NRXN3: variants seen among roughly 807,000 people sequenced by gnomAD.
NRXN3 encodes the protein neurexin III.
NRXN3 carries 32 observed loss-of-function variants against 137.6 expected under a neutral mutation model. The ratio of observed to expected loss-of-function variants is 0.23; its 90% CI spans 0.18 to 0.31. The LOEUF (loss-of-function observed/expected upper bound fraction) is 0.31, where lower values mean the gene tolerates loss of function less well. NRXN3 is among the 10% of genes least tolerant of loss of function. NRXN3 has a pLI of 1.00. For synonymous variants in NRXN3, 798 were observed against 784.5 expected (o/e 1.02, Z -0.29); for missense variants, 1,574 against 2,062.5 (o/e 0.76, Z 4.59).
chr14:78,589,681 T>C (rs1402432501), intron 4 of NRXN3, among the ~76,000 whole-genome samples: 5 of 152,102 alleles, frequency 3.3e-5, no homozygotes, highest in Non-Finnish European at 7.4e-5. Context: ...GAAGGGAAAG[T>C]TCTTATAAAT....
intron 15 of NRXN3, 128 bp downstream of exon 15, chr14:78,988,269 T>G: frequency 8.3e-7 from 1 of 1,209,426 alleles, no homozygotes. Flanking sequence ...CTCCAGAAAC[T>G]TGGGAAATAA....
intron 20 of NRXN3, among the ~76,000 whole-genome samples, chr14:79,839,315 G>T (rs947068649): frequency 6.6e-6 from 1 of 152,018 alleles, no homozygotes; most frequent in Non-Finnish European, 1.5e-5. Context: ...CTTGAACAGG[G>T]TTACATTGTA....
At chr14:78,723,892 A>G (rs969721622) in intron 8 of NRXN3, among the ~76,000 whole-genome samples, 6 of 152,212 alleles carry the variant, frequency 3.9e-5, no homozygotes, top group African/African-American at 1.4e-4. Flanking sequence ...AGGTTGGACC[A>G]TAAGAGAACA....
chr14:78,889,907 C>T (rs950812423), intron 10 of NRXN3, among the ~76,000 whole-genome samples: 6 of 151,926 alleles, frequency 3.9e-5, no homozygotes, highest in African/African-American at 1.2e-4. Flanking sequence ...GCCCTAAATC[C>T]AGTGAAAACT....
At chr14:79,223,020 C>T (rs954851877) in intron 15 of NRXN3, among the ~76,000 whole-genome samples, 1 of 152,102 alleles carries the variant, frequency 6.6e-6, no homozygotes, top group African/African-American at 2.4e-5. Context: ...AATTAGACAA[C>T]AATGAAATAA....
chr14:78,452,851 T>C (rs1273540253), intron 4 of NRXN3, among the ~76,000 whole-genome samples: 2 of 152,204 alleles, frequency 1.3e-5, no homozygotes, highest in Non-Finnish European at 2.9e-5. Context: ...AATCCCAAGA[T>C]GAGAGTCAAC....
chr14:78,601,597 T>C (rs1331570171), intron 4 of NRXN3, among the ~76,000 whole-genome samples: 2 of 151,838 alleles, frequency 1.3e-5, no homozygotes, highest in African/African-American at 4.8e-5. Context: ...GGACTACAGG[T>C]ACCCGCCACC....
At chr14:78,338,831 C>G (rs8009240) in intron 4 of NRXN3, among the ~76,000 whole-genome samples, 3,064 of 152,306 alleles carry the variant, frequency 0.02, 56 homozygotes, top group Non-Finnish European at 0.03. Flanking sequence ...CACTTTAACA[C>G]TTGAAAGGGC....
chr14:78,328,287 G>T (rs924846282), intron 4 of NRXN3, among the ~76,000 whole-genome samples: 1 of 152,132 alleles, frequency 6.6e-6, no homozygotes, highest in African/African-American at 2.4e-5. Context: ...TGACTCTCCA[G>T]TTAAAGCTAT....
In NRXN3 at chr14:78,403,671, C is replaced by T. The variant is rs1007342838; in HGVS notation, c.757+105811C>T. 19 of 977,662 alleles carry T rather than the reference C, an allele frequency of 1.9e-5. No individual in the cohort carries two copies. In the East Asian group the frequency reaches 8.0e-4, roughly 41 times the overall value. 60.6% of individuals were successfully genotyped at this position (977,662 alleles called of 1,614,324 possible). On this transcript the variant is annotated intron_variant, in intron 4 of 20. Coordinates refer to ENST00000335750, the MANE Select transcript of NRXN3 (RefSeq NM_001330195.2). ...GAGAGAGTTGCAAAATCACGAACAC[C>T]GAGGGCGGTGTTAGGAAGGCAGCTT...
intron 10 of NRXN3, among the ~76,000 whole-genome samples, chr14:78,812,583 A>T (rs1461299012): frequency 6.6e-6 from 1 of 152,218 alleles, no homozygotes; most frequent in Non-Finnish European, 1.5e-5. Context: ...GAAAGTCATC[A>T]TAAGACAACT....
intron 10 of NRXN3, among the ~76,000 whole-genome samples, chr14:78,922,610 A>T (rs2099273936): frequency 6.6e-6 from 1 of 152,326 alleles, no homozygotes; most frequent in African/African-American, 2.4e-5. Flanking sequence ...AGAAAACCAA[A>T]CGCCACATGT....
intron 15 of NRXN3, among the ~76,000 whole-genome samples, chr14:79,238,543 T>C (rs1029803494): frequency 1.3e-5 from 2 of 152,110 alleles, no homozygotes; most frequent in Admixed American, 1.3e-4. Flanking sequence ...TGTGATGTGA[T>C]ACATTACACA....
At chr14:78,194,061 T>G (rs2060997957) in intron 1 of NRXN3, among the ~76,000 whole-genome samples, 1 of 152,070 alleles carries the variant, frequency 6.6e-6, no homozygotes, top group African/African-American at 2.4e-5. Flanking sequence ...TCTAGTCCAG[T>G]GGAGGTAACG....
chr14:78,233,987 T>C (rs138153914), intron 1 of NRXN3, among the ~76,000 whole-genome samples: 2,271 of 152,290 alleles, frequency 0.015, 39 homozygotes, highest in South Asian at 0.03. Flanking sequence ...TAGTGGAAAG[T>C]AATTGAATCA....
chr14:78,426,789 T>A (rs936496688), intron 4 of NRXN3, among the ~76,000 whole-genome samples: 6 of 152,194 alleles, frequency 3.9e-5, no homozygotes, highest in Admixed American at 2.6e-4. Flanking sequence ...TTTTCTCAAA[T>A]TTTTTTAGAT....
At chr14:78,507,882 T>C (rs10483905) in intron 4 of NRXN3, among the ~76,000 whole-genome samples, 63,443 of 152,070 alleles carry the variant, frequency 0.42, 13,407 homozygotes, top group East Asian at 0.51. Context: ...TGCCTATCAC[T>C]GGCTTTTGAA....
At chr14:79,209,265 T>C (rs1053563525) in intron 15 of NRXN3, among the ~76,000 whole-genome samples, 13 of 151,910 alleles carry the variant, frequency 8.6e-5, no homozygotes, top group Non-Finnish European at 1.6e-4. Flanking sequence ...AATGAATTGC[T>C]AGTTAGCAAC....
intron 2 of NRXN3, among the ~76,000 whole-genome samples, chr14:78,251,960 T>A (rs369009785): frequency 1.3e-5 from 2 of 152,192 alleles, no homozygotes; most frequent in African/African-American, 4.8e-5. Context: ...TGCAGGCCTG[T>A]CTCCCTGGTC....
Sources: gnomAD v4.1 joint callset for allele counts (sites outside exome capture counted in the v4.1 genomes callset) on GRCh38, gnomAD v4.1.1 for gene constraint, MANE v1.5 for transcripts, NCBI Gene and HGNC (gene_info 2026-07-23, HGNC 2026-07-21) for gene names.